The following CNTNAP2 variants were observed in gnomAD, a reference collection of about 807,000 sequenced individuals.
CNTNAP2 encodes contactin-associated protein-like 2.
A neutral mutation model predicts 155.2 loss-of-function variants in CNTNAP2; 98 were observed. The ratio of observed to expected loss-of-function variants is 0.63; its 90% CI spans 0.54 to 0.75. The LOEUF is 0.75. CNTNAP2 is among the 30% of genes least tolerant of loss of function. The pLI is 0.00. For synonymous variants in CNTNAP2, 651 were observed against 631.2 expected (o/e 1.03, Z -0.47); for missense variants, 1,727 against 1,688.1 (o/e 1.02, Z -0.40).
intron 11 of CNTNAP2, among the ~76,000 whole-genome samples, chr7:147,494,430 A>AAT (rs1299478612): frequency 1.5e-5 from 2 of 136,702 alleles, no homozygotes; most frequent in East Asian, 2.2e-4. Context: ...AGACTCTTTC[A>AAT]ATAGTTTCAA....
chr7:146,743,022 G>A (rs1236279957), intron 1 of CNTNAP2, among the ~76,000 whole-genome samples: 2 of 151,844 alleles, frequency 1.3e-5, no homozygotes, highest in African/African-American at 4.8e-5. Flanking sequence ...GCTAAAAATA[G>A]TGAAATCTTT....
At chr7:147,096,186 A>G (rs1300689423) in intron 4 of CNTNAP2, among the ~76,000 whole-genome samples, 7 of 152,208 alleles carry the variant, frequency 4.6e-5, no homozygotes, top group Non-Finnish European at 1.0e-4. Flanking sequence ...GAAGTCTTGT[A>G]TTTGACAGCT....
chr7:146,463,025 C>T (rs1796661791), intron 1 of CNTNAP2, among the ~76,000 whole-genome samples: 1 of 152,110 alleles, frequency 6.6e-6, no homozygotes, highest in African/African-American at 2.4e-5. Context: ...GGCCTACACT[C>T]CAGTTCGTCA....
chr7:146,310,233 G>A (rs913586430), intron 1 of CNTNAP2, among the ~76,000 whole-genome samples: 2 of 152,198 alleles, frequency 1.3e-5, no homozygotes, highest in Middle Eastern at 6.8e-3. Context: ...TGATAAATGC[G>A]AATAGAATTT....
intron 1 of CNTNAP2, among the ~76,000 whole-genome samples, chr7:146,194,031 C>A (rs1226325178): frequency 6.6e-6 from 1 of 152,212 alleles, no homozygotes; most frequent in Admixed American, 6.5e-5. Flanking sequence ...ACCACCTCAA[C>A]CTGGACTTCA....
At chr7:146,725,890 A>C (rs1801423189) in intron 1 of CNTNAP2, among the ~76,000 whole-genome samples, 1 of 152,164 alleles carries the variant, frequency 6.6e-6, no homozygotes, top group South Asian at 2.1e-4. Context: ...CTGGGGGAAG[A>C]CTGATTTGAG....
At chr7:147,512,436 G>C (rs1799038580) in intron 11 of CNTNAP2, among the ~76,000 whole-genome samples, 1 of 152,142 alleles carries the variant, frequency 6.6e-6, no homozygotes, top group African/African-American at 2.4e-5. Flanking sequence ...TTACATTTTA[G>C]TTAGATGATC....
At chr7:146,691,564 A>T (rs1800697301) in intron 1 of CNTNAP2, among the ~76,000 whole-genome samples, 1 of 152,146 alleles carries the variant, frequency 6.6e-6, no homozygotes, top group African/African-American at 2.4e-5. Context: ...CTCAATACTC[A>T]TTTGCTTTTG....
At chr7:147,423,390 G>T (rs1302767207) in intron 10 of CNTNAP2, among the ~76,000 whole-genome samples, 3 of 152,116 alleles carry the variant, frequency 2.0e-5, no homozygotes, top group African/African-American at 7.2e-5. Context: ...TTAATATGAT[G>T]AACAGACCTT....
intron 3 of CNTNAP2, among the ~76,000 whole-genome samples, chr7:146,943,831 C>G (rs999272382): frequency 6.6e-6 from 1 of 152,136 alleles, no homozygotes; most frequent in Non-Finnish European, 1.5e-5. Context: ...TACTGCAATA[C>G]TCAATTACTG....
At chr7:146,335,614 A>G (rs1801261136) in intron 1 of CNTNAP2, among the ~76,000 whole-genome samples, 1 of 152,212 alleles carries the variant, frequency 6.6e-6, no homozygotes. Context: ...GAAAGGTCTA[A>G]TAGAAGCAAA....
intron 1 of CNTNAP2, among the ~76,000 whole-genome samples, chr7:146,404,581 C>G (rs140777271): frequency 6.0e-4 from 91 of 152,280 alleles, no homozygotes; most frequent in African/African-American, 2.0e-3. Flanking sequence ...TGCAAATCAA[C>G]TTGCCACAAT....
chr7:146,438,302 A>G (rs1337300015), intron 1 of CNTNAP2, among the ~76,000 whole-genome samples: 1 of 149,618 alleles, frequency 6.7e-6, no homozygotes, highest in Non-Finnish European at 1.5e-5. Context: ...TTTTTTAAAG[A>G]GTCTATTCAT....
At chr7:146,584,601 A>G (rs1207351919) in intron 1 of CNTNAP2, among the ~76,000 whole-genome samples, 1 of 152,164 alleles carries the variant, frequency 6.6e-6, no homozygotes, top group East Asian at 1.9e-4. Flanking sequence ...ACATCCTCGC[A>G]CTACATCATT....
intron 2 of CNTNAP2, among the ~76,000 whole-genome samples, chr7:146,789,688 T>C (rs1802636994): frequency 6.6e-6 from 1 of 151,296 alleles, no homozygotes; most frequent in African/African-American, 2.4e-5. Context: ...CAACATTCTC[T>C]CTACCAGAAA....
In CNTNAP2 at chr7:148,408,536, A is replaced by G. The variant is rs1409042376; in HGVS notation, c.3716-855A>G. Among the ~76,000 whole-genome samples the G allele has an allele frequency of 2.6e-5, 4 of 152,340 alleles. No individual in the cohort carries two copies. In the East Asian group the frequency reaches 7.7e-4, roughly 29 times the overall value. ...TGGTGTGTACACATTTCATTGTACCAAATAAGTACTTCTAAATTCTTTTTA... is the reference window on the plus strand; with the variant it reads ...TGGTGTGTACACATTTCATTGTACCGAATAAGTACTTCTAAATTCTTTTTA... On this transcript the variant is annotated intron_variant, in intron 22 of 23. Coordinates refer to ENST00000361727, the MANE Select transcript of CNTNAP2 (RefSeq NM_014141.6).
chr7:147,384,891 A>G (rs2116938006), intron 9 of CNTNAP2, among the ~76,000 whole-genome samples: 1 of 152,312 alleles, frequency 6.6e-6, no homozygotes. Flanking sequence ...ATGTCCTTGT[A>G]TTAGTCTCTT....
At chr7:148,003,092 A>C (rs938438291) in intron 15 of CNTNAP2, among the ~76,000 whole-genome samples, 4 of 152,180 alleles carry the variant, frequency 2.6e-5, no homozygotes, top group Non-Finnish European at 5.9e-5. Flanking sequence ...TATGGAAAGA[A>C]CTAGTGAGGA....
intron 13 of CNTNAP2, among the ~76,000 whole-genome samples, chr7:147,771,853 C>T (rs140884878): frequency 1.1e-4 from 16 of 151,790 alleles, no homozygotes; most frequent in African/African-American, 3.4e-4. Context: ...TTCCTATATT[C>T]TCTGAAAATT....
Sources: allele counts gnomAD v4.1 joint callset (sites outside exome capture counted in the v4.1 genomes callset), GRCh38; gene constraint gnomAD v4.1.1; transcripts MANE v1.5; gene names NCBI Gene and HGNC (gene_info 2026-07-23, HGNC 2026-07-21).